IQCM: variants seen among roughly 807,000 people sequenced by gnomAD.
IQCM encodes the protein IQ motif containing M.
Under a neutral mutation model 57.6 loss-of-function variants are expected in IQCM, and 45 were observed. The ratio of observed to expected loss-of-function variants is 0.78; its 90% CI spans 0.62 to 1.00. The LOEUF (loss-of-function observed/expected upper bound fraction) is 1.00, where lower values mean the gene tolerates loss of function less well. IQCM is among the 50% of genes least tolerant of loss of function. IQCM has a pLI of 0.00. For missense variants in IQCM, 468 were observed against 511.6 expected (o/e 0.91, Z 0.82); for synonymous variants, 148 against 158.9 (o/e 0.93, Z 0.51).
intron 10 of IQCM, among the ~76,000 whole-genome samples, chr4:149,553,888 A>T (rs1749281788): frequency 6.6e-6 from 1 of 152,104 alleles, no homozygotes; most frequent in Admixed American, 6.6e-5. Flanking sequence ...CCACCAGAAC[A>T]ATTTTTTTAT....
At chr4:149,456,464 C>T (rs1287728647) in intron 12 of IQCM, among the ~76,000 whole-genome samples, 1 of 152,036 alleles carries the variant, frequency 6.6e-6, no homozygotes, top group African/African-American at 2.4e-5. Context: ...ATGTTTAATA[C>T]ACAATGTATA....
chr4:149,538,008 G>A (rs147942173), intron 12 of IQCM, among the ~76,000 whole-genome samples: 6 of 151,162 alleles, frequency 4.0e-5, no homozygotes, highest in East Asian at 3.9e-4. Flanking sequence ...AAAGGAAATC[G>A]TAAATGTATT....
At chr4:149,520,678 C>A (rs1745543692) in intron 12 of IQCM, among the ~76,000 whole-genome samples, 1 of 152,154 alleles carries the variant, frequency 6.6e-6, no homozygotes, top group South Asian at 2.1e-4. Flanking sequence ...ATGTCACTAA[C>A]CTGTCAGCAA....
At chr4:149,368,677 G>C (rs1348114777) in intron 13 of IQCM, among the ~76,000 whole-genome samples, 1 of 147,742 alleles carries the variant, frequency 6.8e-6, no homozygotes, top group Non-Finnish European at 1.5e-5. Context: ...GGCTTTAAGG[G>C]GAATGATTGG....
intron 11 of IQCM, among the ~76,000 whole-genome samples, chr4:149,552,403 G>A (rs909357210): frequency 6.6e-6 from 1 of 151,956 alleles, no homozygotes; most frequent in Non-Finnish European, 1.5e-5. Context: ...ACTTACTTGT[G>A]TCATTTTTTT....
chr4:149,744,572 T>C (rs1767748970), intron 2 of IQCM, among the ~76,000 whole-genome samples: 1 of 152,090 alleles, frequency 6.6e-6, no homozygotes, highest in African/African-American at 2.4e-5. Context: ...TAAGGGGTGC[T>C]GGCATGGTAA....
In IQCM at chr4:149,368,595, A is replaced by G. The variant is rs1318570669; in HGVS notation, c.1391-16529T>C. Among the ~76,000 whole-genome samples, 5 of 151,220 alleles carry G rather than the reference A, an allele frequency of 3.3e-5. No homozygotes were observed. The East Asian group carries it at 9.8e-4, about 30-fold the overall frequency. ...GCTGGGGCTGTTTCTAAGCAAGGAC[A>G]TGAGAGATGAAAATACAAGATCAAT... On this transcript the variant is annotated intron_variant, in intron 13 of 13. Coordinates refer to ENST00000636793, the MANE Select transcript of IQCM (RefSeq NM_001363507.2).
At chr4:149,539,401 T>A (rs1226862331) in intron 12 of IQCM, among the ~76,000 whole-genome samples, 1 of 152,104 alleles carries the variant, frequency 6.6e-6, no homozygotes, top group Non-Finnish European at 1.5e-5. Flanking sequence ...GAGTAGGGAT[T>A]AGCTGCAAAT....
chr4:149,620,098 G>A (rs569048341), intron 8 of IQCM, among the ~76,000 whole-genome samples: 6 of 152,092 alleles, frequency 3.9e-5, no homozygotes, highest in African/African-American at 1.2e-4. Context: ...TGGAGGTTGC[G>A]GTGAGCTGAG....
chr4:149,599,321 G>A (rs913409412), intron 8 of IQCM, among the ~76,000 whole-genome samples: 4 of 152,068 alleles, frequency 2.6e-5, no homozygotes, highest in African/African-American at 4.8e-5. Context: ...AAAAAAGAGA[G>A]TGAAGAAATT....
chr4:149,488,529 T>C (rs1307454589), intron 12 of IQCM, among the ~76,000 whole-genome samples: 1 of 152,188 alleles, frequency 6.6e-6, no homozygotes, highest in African/African-American at 2.4e-5. Context: ...TTGTTAATAG[T>C]ATTTTTCCAG....
chr4:149,417,232 G>A (rs1168146909), intron 13 of IQCM, among the ~76,000 whole-genome samples: 2 of 152,126 alleles, frequency 1.3e-5, no homozygotes, highest in Non-Finnish European at 2.9e-5. Flanking sequence ...AAGGACCCCA[G>A]TAGATCACAT....
chr4:149,452,534 T>C (rs549950551), intron 12 of IQCM, among the ~76,000 whole-genome samples: 114 of 151,708 alleles, frequency 7.5e-4, no homozygotes, highest in African/African-American at 2.6e-3. Flanking sequence ...GACCCAGATA[T>C]ATATGGTTAA....
At chr4:149,468,104 T>A (rs1277528856) in intron 12 of IQCM, among the ~76,000 whole-genome samples, 2 of 152,140 alleles carry the variant, frequency 1.3e-5, no homozygotes, top group Admixed American at 1.3e-4. Context: ...TTTCTGCATT[T>A]CAAACTGAGG....
At chr4:149,698,350 T>C (rs1046238074) in intron 5 of IQCM, among the ~76,000 whole-genome samples, 2 of 152,146 alleles carry the variant, frequency 1.3e-5, no homozygotes, top group African/African-American at 4.8e-5. Flanking sequence ...TAATGTTGAT[T>C]GAACAAATAT....
chr4:149,520,074 G>A (rs575157409), intron 12 of IQCM, among the ~76,000 whole-genome samples: 3 of 152,056 alleles, frequency 2.0e-5, no homozygotes, highest in African/African-American at 4.8e-5. Flanking sequence ...TAGTACAATC[G>A]GTTAAGAATG....
At chr4:149,623,478 C>A (rs979903367) in intron 7 of IQCM, among the ~76,000 whole-genome samples, 1 of 152,198 alleles carries the variant, frequency 6.6e-6, no homozygotes, top group African/African-American at 2.4e-5. Context: ...AAAGCCTCCA[C>A]TAAAATCCTC....
chr4:149,469,215 A>T (rs1238616585), intron 12 of IQCM, among the ~76,000 whole-genome samples: 1 of 152,196 alleles, frequency 6.6e-6, no homozygotes, highest in East Asian at 1.9e-4. Flanking sequence ...TAAAGAAGCT[A>T]AAAACCTTGA....
At chr4:149,593,316 G>C (rs543182083) in intron 8 of IQCM, among the ~76,000 whole-genome samples, 4 of 152,256 alleles carry the variant, frequency 2.6e-5, no homozygotes, top group Admixed American at 2.0e-4. Context: ...TGTATCCTGA[G>C]ACTTTGCTGA....
Sources: gnomAD v4.1 joint callset for allele counts (sites outside exome capture counted in the v4.1 genomes callset) on GRCh38, gnomAD v4.1.1 for gene constraint, MANE v1.5 for transcripts, NCBI Gene and HGNC (gene_info 2026-07-23, HGNC 2026-07-21) for gene names.